SPG11: variants seen among roughly 807,000 people sequenced by gnomAD.
The protein encoded by SPG11 is SPG11 vesicle trafficking associated, spatacsin, also known as spatacsin.
SPG11 carries 222 observed loss-of-function variants against 274.0 expected under a neutral mutation model. That is an observed-to-expected ratio of 0.81 (90% CI 0.73 to 0.91). The LOEUF is 0.91. Among genes scored for constraint, SPG11 ranks in the 40% least tolerant of loss-of-function variants. The pLI is 0.00. For synonymous variants in SPG11, 1,144 were observed against 1,039.7 expected, an observed-to-expected ratio of 1.10 and a Z score of -1.93; for missense variants, 3,114 against 2,872.7, an observed-to-expected ratio of 1.08 and a Z score of -1.92.
intron 7 of SPG11, among the ~76,000 whole-genome samples, chr15:44,644,837 A>G (rs1567185880): frequency 6.6e-6 from 1 of 152,250 alleles, no homozygotes; most frequent in East Asian, 1.9e-4. Flanking sequence ...AAAGTCACAG[A>G]AAGAATAAAA....
At chr15:44,617,292 C>T (rs1414648383) in intron 15 of SPG11, among the ~76,000 whole-genome samples, 2 of 152,366 alleles carry the variant, frequency 1.3e-5, no homozygotes, top group Non-Finnish European at 1.5e-5. Context: ...TATCCTACTA[C>T]TCCCAAGGTT....
chr15:44,629,338 C>T lies in SPG11; in HGVS notation c.1786G>A (p.Glu596Lys). 1 of 1,614,162 alleles carries T rather than the reference C, an allele frequency of 6.2e-7. No homozygotes were observed. Among genetic ancestry groups the T allele is most frequent in the Non-Finnish European group, 8.5e-7 (1 of 1,180,026 alleles). ...TTGCTTTGGGGTTCAGAATAACTTT[C>T]TCTAATTGCCGAGCAAAGTAAATCC... ...ALDLLCSAIRESYSEPQSKHF... is the reference protein window; with the variant it reads ...ALDLLCSAIRKSYSEPQSKHF... The change falls in exon 9 of 40, where the codon GAA becomes AAA. Residue 596 changes from glutamate to lysine, a missense_variant. Physicochemically the swap from Glu to Lys is moderately conservative, Grantham distance 56. Transcript: ENST00000261866.
intron 25 of SPG11, 121 bp from the exon 26 acceptor site, chr15:44,595,580 A>T: frequency 1.9e-6 from 2 of 1,073,378 alleles, no homozygotes; most frequent in Non-Finnish European, 1.4e-6. Context: ...AAATGGCTTG[A>T]AAAGCCTTCA....
chr15:44,583,905 C>T lies in SPG11; in HGVS notation c.5775G>A (p.Glu1925=). 6.2e-7 allele frequency: 1 copy of T among 1,614,182 alleles called. No individual in the cohort carries two copies. Among genetic ancestry groups the T allele is most frequent in the Non-Finnish European group, 8.5e-7 (1 of 1,180,038 alleles). ...RALASGEASM[E]DLHPEIHALL... is the part of the protein sequence containing the mutation. ...GAGCATGGATCTCTGGGTGCAGATC[C>T]TCCATACTAGCTTCCCCTGAGGCCA... Residue 1925 remains glutamate, a synonymous_variant, in exon 30 of 40, where the codon GAG becomes GAA. Coordinates refer to ENST00000261866, the MANE Select transcript of SPG11 (RefSeq NM_025137.4).
At position 44,601,557 on chromosome 15, in the gene SPG11, CT is replaced by C. The variant is rs776775388; in HGVS notation, c.3521-926del. Among the ~76,000 whole-genome samples, 551 of 122,764 alleles carry C rather than the reference CT, an allele frequency of 4.5e-3. 2 individuals carry two copies. Among genetic ancestry groups the C allele is most frequent in the East Asian group, 6.4e-3 (22 of 3,416 alleles). 80.5% of individuals were successfully genotyped at this position (122,764 alleles called of 152,430 possible). ...ATTACATGCGTGCGCCCAGCCTCTT[CT>C]TTTTTTTTTTTTTTTTTTAAATAGA... On this transcript the variant is annotated intron_variant, in intron 20 of 39. Coordinates refer to ENST00000261866, the MANE Select transcript of SPG11 (RefSeq NM_025137.4).
In SPG11 at chr15:44,648,892, A is replaced by ACCT. The variant is rs2084681090; in HGVS notation, c.1573_1575dup (p.Arg525dup). 4 of 1,614,006 alleles carry ACCT rather than the reference A, an allele frequency of 2.5e-6. No homozygotes were observed. In the South Asian group the frequency reaches 3.3e-5, roughly 13 times the overall value. On this transcript the variant is annotated inframe_insertion, in exon 7 of 40. Coordinates refer to ENST00000261866, the MANE Select transcript of SPG11 (RefSeq NM_025137.4). Reference sequence around the variant, plus strand: ...TCTAGTGCATGTATGGGAATTGAGCACCTTCCCCAGCCATTGAGATGACAA... The same window carrying ACCT: ...TCTAGTGCATGTATGGGAATTGAGCACCTCCTTCCCCAGCCATTGAGATGACAA...
At position 44,595,381 on chromosome 15, in the gene SPG11, G is replaced by A. The variant is rs1231853341; in HGVS notation, c.4513C>T (p.His1505Tyr). The A allele has an allele frequency of 2.5e-6, 4 of 1,614,074 alleles. No individual in the cohort carries two copies. The African/African-American group carries it at 5.3e-5, about 22-fold the overall frequency. The change falls in exon 26 of 40, where the codon CAC (histidine) becomes TAC (tyrosine). Residue 1505 changes from histidine (H) to tyrosine (Y), a missense_variant. Physicochemically the swap from His to Tyr is moderately conservative, Grantham distance 83. Transcript: ENST00000261866. ...TGGTCCTCTGTTGAGTCCTGAATGT[G>A]TCCCATTGCTTCAGTTGCAACATTG... Reference protein sequence around the residue: ...EDNVATEAMGHIQDSTEDHTW... With the variant: ...EDNVATEAMGYIQDSTEDHTW...
rs778824072 is a variant in SPG11, at chr15:44,663,572, G to C, written c.76C>G (p.Leu26Val). The change falls in exon 1 of 40, where the codon CTA (leucine) becomes GTA (valine). Residue 26 changes from leucine to valine, a missense_variant. Coordinates refer to ENST00000261866, the MANE Select transcript of SPG11 (RefSeq NM_025137.4). ...GGGACTGGCACCAACAGCATCGGTA[G>C]AACCCGCCCCATGGCCGCGGTGCCC... ...SWGTAAMGRV[L>V]PMLLVPVPAE... The C allele has an allele frequency of 8.1e-6, 13 of 1,596,890 alleles. 1 individual carries two copies. Among genetic ancestry groups the C allele is most frequent in the Non-Finnish European group, 8.5e-7 (1 of 1,173,836 alleles).
chr15:44,620,301 C>A lies in SPG11; in HGVS notation c.2723G>T (p.Ser908Ile), dbSNP rs1312951730. ...TTTGTTCTGCTGAAGTGAAGCATAA[C>A]TATGCTGGGTTTGAAATTCTCCAAT... is the stretch of plus-strand genomic sequence containing the variant. Reference protein sequence around the residue: ...LWIGEFQTQHSYASLQQNKWP... With the variant: ...LWIGEFQTQHIYASLQQNKWP... Residue 908 changes from serine (S) to isoleucine (I), a missense_variant, in exon 15 of 40, where the codon AGT becomes ATT. Coordinates refer to ENST00000261866, the MANE Select transcript of SPG11 (RefSeq NM_025137.4). 1 of 1,613,994 alleles carries A rather than the reference C, an allele frequency of 6.2e-7. No homozygotes were observed. Among genetic ancestry groups the A allele is most frequent in the Non-Finnish European group, 8.5e-7 (1 of 1,179,936 alleles).
At position 44,587,710 on chromosome 15, in the gene SPG11, A is replaced by C. The variant is rs886515608; in HGVS notation, c.4906+1542T>G. Among the ~76,000 whole-genome samples, 25 of 151,020 alleles carry C rather than the reference A, an allele frequency of 1.7e-4. No individual in the cohort carries two copies. The East Asian group carries it at 3.3e-3, about 20-fold the overall frequency. Reference sequence around the variant, plus strand: ...GACTGTCTCAAAAAAAAAAAAAAAAAAAAAAAAAAACGTATTCCTGTTCTC... The same window carrying C: ...GACTGTCTCAAAAAAAAAAAAAAAACAAAAAAAAAACGTATTCCTGTTCTC... On this transcript the variant is annotated intron_variant, in intron 28 of 39. Transcript: ENST00000261866.
chr15:44,625,962 G>C (rs2083887053), intron 11 of SPG11, among the ~76,000 whole-genome samples: 1 of 152,116 alleles, frequency 6.6e-6, no homozygotes, highest in South Asian at 2.1e-4. Context: ...TTACAGGCGT[G>C]AGCCACCACG....
At chr15:44,600,309 C>T in intron 21 of SPG11, 158 bp downstream of exon 21, 1 of 716,792 alleles carries the variant, frequency 1.4e-6, no homozygotes, top group Non-Finnish European at 2.4e-6. Context: ...GTTTTAGTGG[C>T]AGAGCCTCAC....
At chr15:44,606,214 T>C (rs2083314495) in intron 19 of SPG11, 123 bp from the exon 20 acceptor site, 1 of 744,586 alleles carries the variant, frequency 1.3e-6, no homozygotes. Flanking sequence ...TTAAGGCTTA[T>C]TCTGGACATA....
chr15:44,657,460 T>C (rs138996288), intron 3 of SPG11, among the ~76,000 whole-genome samples, 164 bp from the exon 4 acceptor site: 2 of 152,296 alleles, frequency 1.3e-5, no homozygotes, highest in African/African-American at 2.4e-5. Flanking sequence ...CAGATGACTA[T>C]GAAGTTGATG....
chr15:44,601,286 G>T (rs1434573219), intron 20 of SPG11, among the ~76,000 whole-genome samples: 1 of 151,490 alleles, frequency 6.6e-6, no homozygotes, highest in African/African-American at 2.4e-5. Flanking sequence ...TTTAAGACAG[G>T]GTCTGGCTCT....
chr15:44,595,557 A>G lies in SPG11; in HGVS notation c.4435-98T>C, dbSNP rs2083014485. 91 of 1,297,088 alleles carry G rather than the reference A, an allele frequency of 7.0e-5. No homozygotes were observed. The South Asian group carries it at 1.1e-3, about 16-fold the overall frequency. 80.3% of individuals were successfully genotyped at this position (1,297,088 alleles called of 1,614,324 possible). A position where few individuals can be genotyped will look rare whatever the true frequency, so the allele number is the denominator to read the frequency against. On this transcript the variant is annotated intron_variant, in intron 25 of 39. Coordinates refer to ENST00000261866, the MANE Select transcript of SPG11 (RefSeq NM_025137.4). ...TTTCCTGTTTAGAATAAGTCACCCAACTTAATTAGTTAAAATGGCTTGAAA... is the reference window on the plus strand; with the variant it reads ...TTTCCTGTTTAGAATAAGTCACCCAGCTTAATTAGTTAAAATGGCTTGAAA...
At chr15:44,651,072 C>T in intron 6 of SPG11, among the ~76,000 whole-genome samples, 1 of 152,070 alleles carries the variant, frequency 6.6e-6, no homozygotes, top group East Asian at 1.9e-4. Context: ...TCAGTAACAG[C>T]TGGAAATTAG....
intron 31 of SPG11, 143 bp from the exon 32 acceptor site, chr15:44,573,888 G>C: frequency 2.6e-6 from 2 of 761,142 alleles, no homozygotes; most frequent in Non-Finnish European, 4.5e-6. Context: ...CTTAGAAAAA[G>C]CAAGTACTGT....
chr15:44,634,084 C>T (rs954874456), intron 7 of SPG11, among the ~76,000 whole-genome samples: 5 of 152,130 alleles, frequency 3.3e-5, no homozygotes, highest in Admixed American at 6.6e-5. Context: ...AATGATCCAC[C>T]TGCCTTGGCC....
Sources: gnomAD v4.1 joint callset for allele counts (sites outside exome capture counted in the v4.1 genomes callset) on GRCh38, gnomAD v4.1.1 for gene constraint, MANE v1.5 for transcripts, NCBI Gene and HGNC (gene_info 2026-07-23, HGNC 2026-07-21) for gene names.